Variants in REPS2 observed in about 807,000 individuals in gnomAD.
REPS2 encodes the protein ralBP1-associated Eps domain-containing protein 2.
Under a neutral mutation model 53.6 loss-of-function variants are expected in REPS2, and 23 were observed. The ratio of observed to expected loss-of-function variants is 0.43; its 90% CI spans 0.31 to 0.61. REPS2 has a LOEUF of 0.61. REPS2 is among the 20% of genes least tolerant of loss of function. The pLI, the probability that REPS2 is intolerant of heterozygous loss-of-function variation, is 0.11. For synonymous variants in REPS2, 238 were observed against 218.6 expected (o/e 1.09, Z -0.78); for missense variants, 446 against 534.9 (o/e 0.83, Z 1.64).
At chrX:16,975,497 G>A (rs779177003) in intron 1 of REPS2, among the ~76,000 whole-genome samples, 3 of 110,577 alleles carry the variant, frequency 2.7e-5, no homozygotes, top group Non-Finnish European at 3.8e-5. Flanking sequence ...TCATCTGCTC[G>A]TTAGCCACGT....
chrX:17,031,297 C>T (rs1400665772), intron 5 of REPS2, among the ~76,000 whole-genome samples: 1 of 112,076 alleles, frequency 8.9e-6, no homozygotes, highest in Non-Finnish European at 1.9e-5. Flanking sequence ...CCAGTGCATA[C>T]TGAGCTTTAC....
chrX:17,052,827 A>C (rs887059052), intron 7 of REPS2, among the ~76,000 whole-genome samples: 14 of 111,881 alleles, frequency 1.3e-4, no homozygotes, highest in Non-Finnish European at 1.9e-5. Context: ...TATTTTTTAT[A>C]TTTTATAAGG....
At chrX:17,089,091 CTG>C (rs1433820128) in intron 13 of REPS2, among the ~76,000 whole-genome samples, 6 of 111,409 alleles carry the variant, frequency 5.4e-5, no homozygotes, top group African/African-American at 1.3e-4. Flanking sequence ...GTGTTTTTTT[CTG>C]TGTTTCCTTC....
At chrX:17,160,434 G>T in the REPS2 span, among the ~76,000 whole-genome samples, 1 of 112,582 alleles carries the variant, frequency 8.9e-6, no homozygotes, top group Non-Finnish European at 1.9e-5. Context: ...CATTTTAGCA[G>T]AAGTCAAAAA....
chrX:17,066,139 T>C (rs1189420000), intron 9 of REPS2, among the ~76,000 whole-genome samples: 1 of 112,460 alleles, frequency 8.9e-6, no homozygotes, highest in Non-Finnish European at 1.9e-5. Context: ...TATATGTTTA[T>C]GATTATGCCA....
chrX:17,017,091 C>T (rs1045100639), intron 2 of REPS2, among the ~76,000 whole-genome samples: 1 of 111,468 alleles, frequency 9.0e-6, no homozygotes, highest in African/African-American at 3.3e-5. Flanking sequence ...CCCACCTCAG[C>T]CTCCTGAGTA....
At chrX:17,066,929 G>A (rs1206598891) in intron 9 of REPS2, among the ~76,000 whole-genome samples, 4 of 112,051 alleles carry the variant, frequency 3.6e-5, no homozygotes, top group African/African-American at 9.7e-5. Context: ...TTTCTACTGA[G>A]TAATACTTCA....
the REPS2 span, among the ~76,000 whole-genome samples, chrX:17,196,491 A>G: frequency 9.0e-6 from 1 of 111,686 alleles, no homozygotes; most frequent in Non-Finnish European, 1.9e-5. Flanking sequence ...AAGAGGCCCC[A>G]GAGAGCTGCC....
rs551784983 is a variant in REPS2, at chrX:17,135,493, C to T, written c.1808+87C>T. 1.3e-5 allele frequency: 13 copies of T among 1,005,857 alleles called. No individual in the cohort carries two copies. In the African/African-American group the frequency reaches 2.1e-4, roughly 16 times the overall value. 82.9% of individuals were successfully genotyped at this position (1,005,857 alleles called of 1,213,427 possible). On this transcript the variant is annotated intron_variant, in intron 16 of 17. Coordinates refer to ENST00000357277, the MANE Select transcript of REPS2 (RefSeq NM_004726.3). ...GTAAATGTGTTGACATTTACGTGCG[C>T]ACCAACAGAAGGATTTCATGGTTGT...
At chrX:17,032,489 C>T (rs781748097) in intron 5 of REPS2, among the ~76,000 whole-genome samples, 1 of 111,357 alleles carries the variant, frequency 9.0e-6, no homozygotes, top group Non-Finnish European at 1.9e-5. Flanking sequence ...GGCTGGACTC[C>T]GTGTTCCAGA....
chrX:16,968,048 G>C (rs903170706), intron 1 of REPS2, among the ~76,000 whole-genome samples: 1 of 110,621 alleles, frequency 9.0e-6, no homozygotes, highest in Non-Finnish European at 1.9e-5. Context: ...TGACTCTTAA[G>C]GAGCATGCTG....
At chrX:17,195,806 A>C in the REPS2 span, among the ~76,000 whole-genome samples, 2,806 of 112,451 alleles carry the variant, frequency 0.025, 91 homozygotes, top group African/African-American at 0.086. Context: ...TGGCTTCAAA[A>C]TTCCTCTCTT....
intron 14 of REPS2, among the ~76,000 whole-genome samples, chrX:17,118,194 C>T (rs1287073144): frequency 2.8e-5 from 3 of 108,061 alleles, no homozygotes; most frequent in African/African-American, 6.7e-5. Context: ...CTCCTGACCT[C>T]GTGATCCGCC....
intron 3 of REPS2, 121 bp from the exon 4 acceptor site, chrX:17,024,938 T>G: frequency 1.0e-6 from 1 of 972,196 alleles, no homozygotes; most frequent in East Asian, 3.1e-5. Context: ...GAGAAAACAT[T>G]TCCCCCCATT....
At chrX:16,979,898 C>T (rs1409523768) in intron 1 of REPS2, among the ~76,000 whole-genome samples, 6 of 109,869 alleles carry the variant, frequency 5.5e-5, no homozygotes, top group African/African-American at 1.3e-4. Flanking sequence ...AGAAAAAGTA[C>T]GTCTTTATTT....
intron 1 of REPS2, among the ~76,000 whole-genome samples, chrX:16,947,882 T>G (rs376331058): frequency 9.0e-6 from 1 of 111,624 alleles, no homozygotes; most frequent in East Asian, 2.8e-4. Context: ...AGCTACCACC[T>G]TTTGGCTGTT....
chrX:17,013,675 GTC>G (rs1234046504), intron 2 of REPS2, among the ~76,000 whole-genome samples: 5 of 109,085 alleles, frequency 4.6e-5, no homozygotes, highest in Non-Finnish European at 9.5e-5. Flanking sequence ...TCCACACAGT[GTC>G]TCTGTATTTT....
chrX:17,099,677 C>T (rs1220010648), intron 13 of REPS2: 1 of 435,641 alleles, frequency 2.3e-6, no homozygotes. Context: ...CAAAGGGCAT[C>T]TTCTCAAGCT....
intron 14 of REPS2, among the ~76,000 whole-genome samples, chrX:17,125,923 G>A (rs772909558): frequency 8.9e-6 from 1 of 112,159 alleles, no homozygotes; most frequent in East Asian, 2.8e-4. Flanking sequence ...AAAAGACCCA[G>A]TGAAGTCTTT....
Sources: allele counts gnomAD v4.1 joint callset (sites outside exome capture counted in the v4.1 genomes callset), GRCh38; gene constraint gnomAD v4.1.1; transcripts MANE v1.5; gene names NCBI Gene and HGNC (gene_info 2026-07-23, HGNC 2026-07-21).